SUGCT: variants seen among roughly 807,000 people sequenced by gnomAD.
SUGCT encodes succinyl-CoA:glutarate-CoA transferase, also known as succinyl-CoA:glutarate CoA-transferase.
SUGCT carries 41 observed loss-of-function variants against 55.0 expected under a neutral mutation model. That is an observed-to-expected ratio of 0.74 (90% confidence interval 0.58 to 0.97). The LOEUF (loss-of-function observed/expected upper bound fraction) is 0.97. Ranked by LOEUF, SUGCT falls within the 50% of genes least tolerant of loss-of-function variation. SUGCT has a pLI of 0.00. For synonymous variants in SUGCT, 187 were observed against 200.4 expected (o/e 0.93, Z 0.56); for missense variants, 568 against 547.8 (o/e 1.04, Z -0.37).
intron 10 of SUGCT, among the ~76,000 whole-genome samples, chr7:40,452,766 A>G (rs776381952): frequency 4.6e-5 from 7 of 152,208 alleles, no homozygotes; most frequent in East Asian, 1.9e-4. Flanking sequence ...AATAAATGAC[A>G]TCTATGAAAA....
intron 12 of SUGCT, among the ~76,000 whole-genome samples, chr7:40,644,884 C>T (rs1800430178): frequency 6.6e-6 from 1 of 152,218 alleles, no homozygotes; most frequent in African/African-American, 2.4e-5. Context: ...CTGTCCGCAC[C>T]TGGGTCCACG....
At chr7:40,493,374 C>T (rs542462029) in intron 11 of SUGCT, among the ~76,000 whole-genome samples, 1 of 152,312 alleles carries the variant, frequency 6.6e-6, no homozygotes. Flanking sequence ...CAACTCTCAC[C>T]TTCATGACTG....
chr7:40,890,209 T>C, the SUGCT span, among the ~76,000 whole-genome samples: 1 of 145,196 alleles, frequency 6.9e-6, no homozygotes, highest in African/African-American at 2.5e-5. Flanking sequence ...AATATTTATA[T>C]TATATATTTA....
At chr7:40,907,037 A>G in the SUGCT span, among the ~76,000 whole-genome samples, 1 of 151,726 alleles carries the variant, frequency 6.6e-6, no homozygotes, top group African/African-American at 2.4e-5. Context: ...ATGGGGCTTC[A>G]GTTCAGGGTA....
At chr7:40,863,105 G>A (rs1420436033), downstream of SUGCT, among the ~76,000 whole-genome samples, 2 of 152,090 alleles carry the variant, frequency 1.3e-5, no homozygotes, top group Admixed American at 1.3e-4. Context: ...CAGGCGTGGT[G>A]GGTGCCTGCC....
chr7:40,317,344 C>T (rs532426506), intron 9 of SUGCT, among the ~76,000 whole-genome samples: 1 of 152,204 alleles, frequency 6.6e-6, no homozygotes, highest in East Asian at 1.9e-4. Context: ...TATTAAGTGT[C>T]TTAACTTGTC....
intron 6 of SUGCT, among the ~76,000 whole-genome samples, chr7:40,212,806 T>A (rs1416553267): frequency 1.3e-5 from 2 of 152,168 alleles, no homozygotes; most frequent in African/African-American, 4.8e-5. Flanking sequence ...GTGCTGGGAT[T>A]ACAGGTGTGA....
chr7:40,742,442 C>G (rs1001712389), intron 12 of SUGCT, among the ~76,000 whole-genome samples: 1 of 152,128 alleles, frequency 6.6e-6, no homozygotes, highest in Non-Finnish European at 1.5e-5. Flanking sequence ...AAGGGTATTA[C>G]ATTTATCATT....
chr7:40,364,308 A>G (rs1783808870), intron 9 of SUGCT, among the ~76,000 whole-genome samples: 1 of 151,664 alleles, frequency 6.6e-6, no homozygotes, highest in South Asian at 2.1e-4. Flanking sequence ...CATTTAGTCC[A>G]TTTACATTTA....
the SUGCT span, among the ~76,000 whole-genome samples, chr7:40,917,802 C>T: frequency 6.6e-6 from 1 of 152,174 alleles, no homozygotes; most frequent in East Asian, 1.9e-4. Flanking sequence ...AGAAGAACCT[C>T]TGGCATCCCT....
intron 12 of SUGCT, among the ~76,000 whole-genome samples, chr7:40,594,931 A>G (rs1418620163): frequency 1.1e-4 from 16 of 152,208 alleles, no homozygotes; most frequent in African/African-American, 1.7e-4. Context: ...CATCATTTCT[A>G]TAATAGTTTA....
the SUGCT span, among the ~76,000 whole-genome samples, chr7:41,014,935 C>T: frequency 2.0e-5 from 3 of 152,138 alleles, no homozygotes; most frequent in Non-Finnish European, 4.4e-5. Flanking sequence ...ATATGGATGA[C>T]ACATGGCTGG....
intron 12 of SUGCT, among the ~76,000 whole-genome samples, chr7:40,666,089 G>C (rs1405656698): frequency 6.6e-6 from 1 of 152,008 alleles, no homozygotes; most frequent in Non-Finnish European, 1.5e-5. Flanking sequence ...GGCTGGGTGC[G>C]GTGGCTCATG....
intron 13 of SUGCT, among the ~76,000 whole-genome samples, chr7:40,809,719 T>A (rs2128756388): frequency 6.6e-6 from 1 of 152,272 alleles, no homozygotes; most frequent in Non-Finnish European, 1.5e-5. Flanking sequence ...ATATGAATGA[T>A]CCCATCACCC....
the SUGCT span, among the ~76,000 whole-genome samples, chr7:41,004,848 C>T: frequency 6.6e-6 from 1 of 151,900 alleles, no homozygotes; most frequent in Non-Finnish European, 1.5e-5. Context: ...CTCATTGAAA[C>T]AAGTAACTGA....
intron 9 of SUGCT, among the ~76,000 whole-genome samples, chr7:40,369,671 A>G (rs1784191084): frequency 6.6e-6 from 1 of 152,178 alleles, no homozygotes; most frequent in East Asian, 1.9e-4. Context: ...GTTGAATCCA[A>G]TCTGGATTAG....
chr7:40,373,294 C>CTATAGATTCTAGAAAATTTAGAATA (rs1784380408), intron 9 of SUGCT, among the ~76,000 whole-genome samples: 1 of 151,770 alleles, frequency 6.6e-6, no homozygotes, highest in African/African-American at 2.4e-5. Flanking sequence ...AATTCAGAAT[C>CTATAGATTCTAGAAAATTTAGAATA]TATAGATTCT....
chr7:40,336,658 G>A (rs994893302), intron 9 of SUGCT, among the ~76,000 whole-genome samples: 25 of 151,994 alleles, frequency 1.6e-4, no homozygotes, highest in African/African-American at 6.0e-4. Context: ...TATTAGTCTT[G>A]CTAGCGGTCT....
At chr7:41,014,022 A>T in the SUGCT span, among the ~76,000 whole-genome samples, 3 of 152,310 alleles carry the variant, frequency 2.0e-5, no homozygotes, top group Admixed American at 2.0e-4. Flanking sequence ...TGAGTCTATT[A>T]TGGCTTCTGA....
Sources: gnomAD v4.1 joint callset for allele counts (sites outside exome capture counted in the v4.1 genomes callset) on GRCh38, gnomAD v4.1.1 for gene constraint, MANE v1.5 for transcripts, NCBI Gene and HGNC (gene_info 2026-07-23, HGNC 2026-07-21) for gene names.